Variants in CFAP57 observed in about 807,000 individuals in gnomAD.
CFAP57 encodes cilia- and flagella-associated protein 57.
A neutral mutation model predicts 146.8 loss-of-function variants in CFAP57; 116 were observed. The observed-to-expected ratio is 0.79, with a 90% CI of 0.68 to 0.92. The LOEUF is 0.92. Ranked by LOEUF, CFAP57 falls within the 40% of genes least tolerant of loss-of-function variation. CFAP57 has a pLI of 0.00. For synonymous variants in CFAP57, 518 were observed against 552.8 expected (o/e 0.94, Z 0.88); for missense variants, 1,377 against 1,527.2 (o/e 0.90, Z 1.64).
At position 43,215,322 on chromosome 1, in the gene CFAP57, AG is replaced by A. The variant is rs758888095; in HGVS notation, c.1999del (p.Val667SerfsTer23). On this transcript the variant is annotated frameshift_variant, in exon 12 of 23. Transcript: ENST00000372492. LOFTEE classifies it high-confidence loss of function. ...GAGGATGGCTGCCTGTTCACCTGGA[AG>A]GTCTTTGATAAGGATGGCCGGGGAA... ...AAEDGCLFTW[K>X]VFDKDGRGIK... 2 of 1,551,308 alleles carry A rather than the reference AG, an allele frequency of 1.3e-6. No individual in the cohort carries two copies. Among genetic ancestry groups the A allele is most frequent in the Non-Finnish European group, 1.7e-6 (2 of 1,147,118 alleles).
chr1:43,175,721 G>C lies in CFAP57; in HGVS notation c.157+2811G>C, dbSNP rs150633793. 9.7e-3 allele frequency among the ~76,000 whole-genome samples: 1,467 copies of C among 151,608 alleles called. 10 individuals carry two copies. The highest frequency in any genetic ancestry group is 0.015 in the Non-Finnish European group (1,025 of 67,912). ...GGGTCTGGCTATGTTGCTGAGGCTG[G>C]TCTTGAACTCCTGAACTCAACTCAT... On this transcript the variant is annotated intron_variant, in intron 2 of 22. Transcript: ENST00000372492.
Position 43,209,786 on chromosome 1 carries a change from T to C in CFAP57, c.1799T>C (p.Ile600Thr). The part of the protein sequence containing the change: ...ISAFDVTYTA[I>T]VISHSGRMMF... ...GCGTTTGATGTCACCTACACCGCCA[T>C]TGTCATCTCGCATTCTGGACGCATG... The change falls in exon 11 of 23, where the codon ATT becomes ACT. Residue 600 changes from isoleucine to threonine, a missense_variant. Physicochemically the swap from Ile to Thr is moderately conservative, Grantham distance 89. Coordinates refer to ENST00000372492, the MANE Select transcript of CFAP57 (RefSeq NM_001378189.1). The C allele has an allele frequency of 1.9e-6, 3 of 1,614,164 alleles. No individual in the cohort carries two copies. Among genetic ancestry groups the C allele is most frequent in the Non-Finnish European group, 1.7e-6 (2 of 1,180,032 alleles).
chr1:43,173,004 C>T (rs1645036502), intron 2 of CFAP57, 94 bp downstream of exon 2: 3 of 1,199,298 alleles, frequency 2.5e-6, no homozygotes, highest in South Asian at 1.2e-5. Context: ...AAGATTTTGG[C>T]CAATTTGAAT....
intron 21 of CFAP57, among the ~76,000 whole-genome samples, chr1:43,236,636 G>T (rs572468808): frequency 6.9e-6 from 1 of 144,818 alleles, no homozygotes; most frequent in African/African-American, 2.5e-5. Context: ...CCAGCCGGGC[G>T]CAGTGGCTCA....
chr1:43,220,882 A>C (rs1645018297), intron 13 of CFAP57, among the ~76,000 whole-genome samples: 1 of 152,190 alleles, frequency 6.6e-6, no homozygotes. Context: ...TTTAGCCAAC[A>C]AACATTTATT....
Position 43,198,582 on chromosome 1 carries a change from T to A in CFAP57, c.1364T>A (p.Leu455His). ...IVVGFADKLR[L>H]MNLLIDDIRS... ...GTAGGGTTTGCTGACAAACTACGCC[T>A]CATGAATCTACTCATTGATGATATA... is the stretch of plus-strand genomic sequence containing the variant. Residue 455 changes from leucine to histidine, a missense_variant, in exon 8 of 23, where the codon CTC becomes CAC. Leu to His is a moderately conservative substitution (Grantham distance 99). Coordinates refer to ENST00000372492, the MANE Select transcript of CFAP57 (RefSeq NM_001378189.1). The A allele has an allele frequency of 6.2e-7, 1 of 1,614,122 alleles. No individual in the cohort carries two copies. Among genetic ancestry groups the A allele is most frequent in the Non-Finnish European group, 8.5e-7 (1 of 1,180,014 alleles).
Position 43,191,387 on chromosome 1 carries a change from A to G in CFAP57, c.1122+4528A>G, listed in dbSNP as rs1434836067. Among the ~76,000 whole-genome samples, 30 of 152,094 alleles carry G rather than the reference A, an allele frequency of 2.0e-4. 1 individual carries two copies. On this transcript the variant is annotated intron_variant, in intron 6 of 22. Transcript: ENST00000372492. ...CAGGTCACGAGCTCAGGAGATTGAG[A>G]CCATCCTGGCTAACACAGTGAAACC...
chr1:43,239,950 T>C (rs141182956), intron 21 of CFAP57, among the ~76,000 whole-genome samples: 11 of 152,238 alleles, frequency 7.2e-5, no homozygotes, highest in African/African-American at 2.4e-4. Context: ...TTCACAAATA[T>C]TTAATGAGCA....
chr1:43,210,237 C>T (rs1319026182), intron 11 of CFAP57: 2 of 1,487,218 alleles, frequency 1.3e-6, no homozygotes, highest in African/African-American at 1.5e-5. Context: ...ACAGCTGCCT[C>T]CTCCTCCAGA....
At chr1:43,174,708 C>T (rs1645104729) in intron 2 of CFAP57, among the ~76,000 whole-genome samples, 1 of 152,112 alleles carries the variant, frequency 6.6e-6, no homozygotes, top group Non-Finnish European at 1.5e-5. Context: ...CCCAGCTACT[C>T]GGGAGGCTGA....
chr1:43,197,442 T>A (rs1412114174), intron 6 of CFAP57, 111 bp from the exon 7 acceptor site: 2 of 1,351,004 alleles, frequency 1.5e-6, no homozygotes, highest in Non-Finnish European at 2.1e-6. Flanking sequence ...AGCCACAGCC[T>A]GATTTCTGTG....
chr1:43,196,149 T>C (rs748946952), intron 6 of CFAP57, among the ~76,000 whole-genome samples: 36 of 152,214 alleles, frequency 2.4e-4, no homozygotes, highest in Non-Finnish European at 3.8e-4. Context: ...CCACTGGAGG[T>C]TTGTGGTCAT....
At chr1:43,242,453 T>TTGGATGGATGGA (rs56071451) in intron 21 of CFAP57, among the ~76,000 whole-genome samples, 10 of 151,590 alleles carry the variant, frequency 6.6e-5, no homozygotes, top group Non-Finnish European at 8.9e-5. Flanking sequence ...GAATGGTTGG[T>TTGGATGGATGGA]TGGATGGATG....
intron 18 of CFAP57, among the ~76,000 whole-genome samples, chr1:43,227,599 G>A (rs1645297424): frequency 6.6e-6 from 1 of 152,184 alleles, no homozygotes; most frequent in African/African-American, 2.4e-5. Flanking sequence ...CAGAAGAGTG[G>A]CATAATTAAG....
At chr1:43,244,697 G>T (rs1001767347) in intron 22 of CFAP57, among the ~76,000 whole-genome samples, 8 of 151,934 alleles carry the variant, frequency 5.3e-5, no homozygotes, top group Non-Finnish European at 1.2e-4. Context: ...AAGGTCAAGA[G>T]ATCGAGACCA....
intron 2 of CFAP57, among the ~76,000 whole-genome samples, chr1:43,180,239 A>ATATAT (rs779998085): frequency 0.03 from 4,304 of 144,806 alleles, 120 homozygotes; most frequent in East Asian, 0.073. Flanking sequence ...ATATATATAT[A>ATATAT]AAATATATAT....
chr1:43,232,181 T>C (rs960975316), intron 18 of CFAP57: 2 of 670,332 alleles, frequency 3.0e-6, no homozygotes, highest in African/African-American at 1.8e-5. Flanking sequence ...GTTGAGGTTC[T>C]AGTGCTTGGG....
chr1:43,220,733 A>G (rs961756642), intron 13 of CFAP57, among the ~76,000 whole-genome samples: 7 of 151,986 alleles, frequency 4.6e-5, no homozygotes, highest in African/African-American at 1.7e-4. Context: ...CTCACCCCCT[A>G]AAGAAATCCC....
At chr1:43,220,961 C>A (rs1025150734) in intron 13 of CFAP57, among the ~76,000 whole-genome samples, 2 of 152,186 alleles carry the variant, frequency 1.3e-5, no homozygotes, top group East Asian at 1.9e-4. Flanking sequence ...ACTCGCCCCC[C>A]AAGCCTGAAA....
Sources: allele counts gnomAD v4.1 joint callset (sites outside exome capture counted in the v4.1 genomes callset), GRCh38; gene constraint gnomAD v4.1.1; transcripts MANE v1.5; gene names NCBI Gene and HGNC (gene_info 2026-07-23, HGNC 2026-07-21).